The following MCM5 variants were observed in gnomAD, a reference collection of about 807,000 sequenced individuals.
MCM5 encodes the protein minichromosome maintenance complex component 5, also known as DNA replication licensing factor MCM5.
MCM5 carries 46 observed loss-of-function variants against 79.9 expected under a neutral mutation model. The observed-to-expected ratio is 0.58, with a 90% confidence interval of 0.45 to 0.74. MCM5 has a LOEUF of 0.74. Ranked by LOEUF, MCM5 falls within the 30% of genes least tolerant of loss-of-function variation. The pLI is 0.00. For missense variants in MCM5, 883 were observed against 1,017.0 expected (o/e 0.87, Z 1.79); for synonymous variants, 404 against 390.5 (o/e 1.03, Z -0.41).
chr22:35,414,890 G>A (rs1932495652), intron 9 of MCM5, among the ~76,000 whole-genome samples: 1 of 152,274 alleles, frequency 6.6e-6, no homozygotes, highest in South Asian at 2.1e-4. Flanking sequence ...GGGTCTGCGG[G>A]GATCAGAGCC....
chr22:35,435,014 G>C, the MCM5 span, among the ~76,000 whole-genome samples: 1 of 152,226 alleles, frequency 6.6e-6, no homozygotes, highest in Non-Finnish European at 1.5e-5. Flanking sequence ...AGCTGGGTAT[G>C]GTGGCAGGTG....
chr22:35,439,533 A>G, the MCM5 span, among the ~76,000 whole-genome samples: 1 of 152,014 alleles, frequency 6.6e-6, no homozygotes, highest in Non-Finnish European at 1.5e-5. Context: ...CCACATGTCC[A>G]TCCATCCATC....
intron 9 of MCM5, among the ~76,000 whole-genome samples, chr22:35,415,585 G>A (rs1419276707): frequency 1.3e-5 from 2 of 152,332 alleles, no homozygotes; most frequent in Non-Finnish European, 2.9e-5. Flanking sequence ...GCTGTGGTGA[G>A]GCTTAGGTGA....
chr22:35,426,634 C>T (rs775331562), downstream of MCM5, among the ~76,000 whole-genome samples: 2 of 152,228 alleles, frequency 1.3e-5, no homozygotes, highest in Non-Finnish European at 2.9e-5. Context: ...CACAGCAGTA[C>T]AGTAGCCCTT....
Position 35,400,160 on chromosome 22 carries a change from G to A in MCM5, c.-57G>A. On this transcript the variant is annotated 5_prime_UTR_variant, in exon 1 of 17. Coordinates refer to ENST00000216122, the MANE Select transcript of MCM5 (RefSeq NM_006739.4). ...TTTTCCCGCGAAACTCGGCGGCTGA[G>A]CGTGGAGGTTCTTGTCTCCCCTGGT... 1 of 435,714 alleles carries A rather than the reference G, an allele frequency of 2.3e-6. No individual in the cohort carries two copies. The highest frequency in any genetic ancestry group is 4.2e-6 in the Non-Finnish European group (1 of 237,676). The allele number at this position is 435,714 out of a possible 1,614,324, so 27.0% of individuals were successfully genotyped here.
At position 35,417,065 on chromosome 22, in the gene MCM5, C is replaced by T. The variant is rs372753858; in HGVS notation, c.1590+251C>T. Among the ~76,000 whole-genome samples the T allele has an allele frequency of 3.0e-4, 45 of 152,270 alleles. No homozygotes were observed. In the South Asian group the frequency reaches 9.1e-3, roughly 31 times the overall value. On this transcript the variant is annotated intron_variant, in intron 12 of 16. Transcript: ENST00000216122. ...GTGATTTGGGCTAAATCAGTTTCTCCCTGGGCCTCAGTCCCTTATATATGA... is the reference window on the plus strand; with the variant it reads ...GTGATTTGGGCTAAATCAGTTTCTCTCTGGGCCTCAGTCCCTTATATATGA...
At chr22:35,404,909 T>G (rs985437883) in intron 4 of MCM5, among the ~76,000 whole-genome samples, 1 of 152,218 alleles carries the variant, frequency 6.6e-6, no homozygotes, top group African/African-American at 2.4e-5. Context: ...GGCTGAGAAT[T>G]TATGTTTTAC....
intron 8 of MCM5, among the ~76,000 whole-genome samples, chr22:35,412,954 C>G (rs1309135718): frequency 6.6e-6 from 1 of 151,914 alleles, no homozygotes; most frequent in East Asian, 1.9e-4. Flanking sequence ...GTGTAGGTAC[C>G]AGGACTTAAA....
chr22:35,416,046 C>A, intron 10 of MCM5, 74 bp downstream of exon 10: 1 of 1,538,914 alleles, frequency 6.5e-7, no homozygotes, highest in Non-Finnish European at 8.9e-7. Context: ...GCTCAGCCAG[C>A]AGAAATCACC....
At chr22:35,448,162 ACT>A in the MCM5 span, among the ~76,000 whole-genome samples, 2 of 151,984 alleles carry the variant, frequency 1.3e-5, no homozygotes, top group East Asian at 1.9e-4. Flanking sequence ...TCAGGGCCGG[ACT>A]CTCTATGTCT....
the MCM5 span, among the ~76,000 whole-genome samples, chr22:35,442,501 G>A: frequency 6.6e-6 from 1 of 152,164 alleles, no homozygotes; most frequent in African/African-American, 2.4e-5. Context: ...GTGCAGGCAG[G>A]GCTGGTTCTT....
chr22:35,411,939 C>T (rs927566908), intron 7 of MCM5, among the ~76,000 whole-genome samples: 8 of 152,182 alleles, frequency 5.3e-5, no homozygotes, highest in Admixed American at 4.6e-4. Flanking sequence ...CCATCTTCAC[C>T]CTTTCAGTTG....
intron 16 of MCM5, chr22:35,423,887 T>A (rs1932752281): frequency 4.6e-6 from 2 of 439,016 alleles, no homozygotes; most frequent in Non-Finnish European, 8.1e-6. Flanking sequence ...GTGCGCAGAC[T>A]GAGGCTTAGA....
At chr22:35,454,871 C>T in the MCM5 span, among the ~76,000 whole-genome samples, 1 of 152,108 alleles carries the variant, frequency 6.6e-6, no homozygotes, top group Non-Finnish European at 1.5e-5. Context: ...CCCTGGTCTC[C>T]ACCCACTAGA....
the MCM5 span, among the ~76,000 whole-genome samples, chr22:35,452,270 C>T: frequency 1.3e-5 from 2 of 152,146 alleles, no homozygotes; most frequent in Non-Finnish European, 1.5e-5. Flanking sequence ...ATCACTCCAC[C>T]CCTCCCCACC....
intron 6 of MCM5, 147 bp downstream of exon 6, chr22:35,408,710 A>G: frequency 2.6e-6 from 2 of 775,198 alleles, no homozygotes; most frequent in Non-Finnish European, 2.0e-6. Context: ...TCTGTGCCTA[A>G]TGCTTCCATA....
chr22:35,419,941 C>A lies in MCM5; in HGVS notation c.1761C>A (p.Ile587=). The change falls in exon 14 of 17, where the codon ATC becomes ATA. Residue 587 remains isoleucine, a synonymous_variant. Coordinates refer to ENST00000216122, the MANE Select transcript of MCM5 (RefSeq NM_006739.4). ...CAGAGAAACTGAAGAACCGCTACAT[C>A]ATCATGCGGAGCGGGGCCCGTCAGC... ...EAAEKLKNRY[I]IMRSGARQHE... 2 of 1,613,392 alleles carry A rather than the reference C, an allele frequency of 1.2e-6. No homozygotes were observed. Among genetic ancestry groups the A allele is most frequent in the Non-Finnish European group, 1.7e-6 (2 of 1,179,718 alleles).
At chr22:35,408,138 G>A (rs1172183397) in intron 5 of MCM5, among the ~76,000 whole-genome samples, 1 of 152,168 alleles carries the variant, frequency 6.6e-6, no homozygotes, top group Non-Finnish European at 1.5e-5. Context: ...AGAAGACCGA[G>A]TGTGACCTGT....
chr22:35,405,020 ATTTT>A (rs35626347), intron 4 of MCM5, among the ~76,000 whole-genome samples: 1 of 114,356 alleles, frequency 8.7e-6, no homozygotes, highest in African/African-American at 3.4e-5. Context: ...CTAGAGGCCA[ATTTT>A]TTTTTTTTTT....
Sources: gnomAD v4.1 joint callset for allele counts (sites outside exome capture counted in the v4.1 genomes callset) on GRCh38, gnomAD v4.1.1 for gene constraint, MANE v1.5 for transcripts, NCBI Gene and HGNC (gene_info 2026-07-23, HGNC 2026-07-21) for gene names.